The following CAMK1D variants were observed in gnomAD, a reference collection of about 807,000 sequenced individuals.
CAMK1D encodes calcium/calmodulin-dependent protein kinase type 1D.
CAMK1D carries 9 observed loss-of-function variants against 47.7 expected under a neutral mutation model. The ratio of observed to expected loss-of-function variants is 0.19; its 90% CI spans 0.11 to 0.33. The LOEUF (loss-of-function observed/expected upper bound fraction) is 0.33. Among genes scored for constraint, CAMK1D ranks in the 10% least tolerant of loss-of-function variants. The pLI, the probability that CAMK1D is intolerant of heterozygous loss-of-function variation, is 1.00. For synonymous variants in CAMK1D, 184 were observed against 184.9 expected, an observed-to-expected ratio of 0.99 and a Z score of 0.04; for missense variants, 291 against 488.7, an observed-to-expected ratio of 0.60 and a Z score of 3.81.
intron 1 of CAMK1D, among the ~76,000 whole-genome samples, chr10:12,532,797 G>A (rs1835851276): frequency 6.6e-6 from 1 of 152,112 alleles, no homozygotes; most frequent in East Asian, 1.9e-4. Flanking sequence ...TCAACAACAT[G>A]GATGGAACTG....
chr10:12,531,070 A>AG (rs1835790558), intron 1 of CAMK1D, among the ~76,000 whole-genome samples: 1 of 151,304 alleles, frequency 6.6e-6, no homozygotes, highest in Non-Finnish European at 1.5e-5. Context: ...AAAAAAAAAA[A>AG]AAGTTGAGAT....
chr10:12,543,024 G>A (rs1438724882), intron 1 of CAMK1D, among the ~76,000 whole-genome samples: 1 of 151,948 alleles, frequency 6.6e-6, no homozygotes. Flanking sequence ...TGGGATTACA[G>A]GCGTGAGCCA....
chr10:12,550,375 C>T (rs1166832047), intron 1 of CAMK1D, among the ~76,000 whole-genome samples: 2 of 152,184 alleles, frequency 1.3e-5, no homozygotes, highest in African/African-American at 2.4e-5. Context: ...TTCTACCTCC[C>T]GGAGGGTAGT....
intron 1 of CAMK1D, among the ~76,000 whole-genome samples, chr10:12,482,458 T>G (rs755171994): frequency 5.3e-5 from 8 of 152,212 alleles, no homozygotes; most frequent in Non-Finnish European, 7.3e-5. Flanking sequence ...CCGGCCACTT[T>G]CACTCTTTAT....
intron 1 of CAMK1D, among the ~76,000 whole-genome samples, chr10:12,529,847 G>T (rs868702893): frequency 6.6e-6 from 1 of 152,172 alleles, no homozygotes. Flanking sequence ...AGCCTTTCAG[G>T]ATGAATATGA....
At chr10:12,371,375 G>A (rs1838001134) in intron 1 of CAMK1D, among the ~76,000 whole-genome samples, 1 of 151,892 alleles carries the variant, frequency 6.6e-6, no homozygotes, top group Non-Finnish European at 1.5e-5. Flanking sequence ...AGGAGATCGA[G>A]ACCATCCTGG....
chr10:12,434,358 T>G (rs1347609402), intron 1 of CAMK1D, among the ~76,000 whole-genome samples: 1 of 152,198 alleles, frequency 6.6e-6, no homozygotes, highest in African/African-American at 2.4e-5. Flanking sequence ...ACGAGTGCCC[T>G]TCAGCGCTTG....
At position 12,492,536 on chromosome 10, in the gene CAMK1D, G is replaced by A. The variant is rs1196454327; in HGVS notation, c.93-60689G>A. On this transcript the variant is annotated intron_variant, in intron 1 of 10. Transcript: ENST00000619168. ...TAGCTAGATGCAGTGGCACACACCT[G>A]TAATCCCAGCTACTTGGGAGGTGGA... Among the ~76,000 whole-genome samples the A allele has an allele frequency of 1.3e-5, 2 of 152,112 alleles. 1 individual carries two copies. The highest frequency in any genetic ancestry group is 2.9e-5 in the Non-Finnish European group (2 of 68,010).
chr10:12,575,338 GC>G (rs944644141), intron 2 of CAMK1D, among the ~76,000 whole-genome samples: 7 of 152,028 alleles, frequency 4.6e-5, no homozygotes, highest in Admixed American at 6.6e-5. Flanking sequence ...TGATCCACCC[GC>G]CTTGGCCTCC....
At chr10:12,588,020 G>C (rs1374016361) in intron 2 of CAMK1D, among the ~76,000 whole-genome samples, 1 of 152,158 alleles carries the variant, frequency 6.6e-6, no homozygotes, top group Non-Finnish European at 1.5e-5. Context: ...TGAATATTAA[G>C]TAGTGCCTAG....
intron 1 of CAMK1D, among the ~76,000 whole-genome samples, chr10:12,485,894 C>G (rs1409744214): frequency 1.3e-5 from 2 of 152,184 alleles, no homozygotes. Flanking sequence ...GAGCCAAATT[C>G]AGCCCAGAGT....
intron 3 of CAMK1D, among the ~76,000 whole-genome samples, chr10:12,736,797 G>A (rs149521728): frequency 4.1e-4 from 63 of 152,264 alleles, no homozygotes; most frequent in African/African-American, 1.4e-3. Flanking sequence ...TCCTTTGGTT[G>A]CCAGTGAGAG....
rs372469215 is a variant in CAMK1D, at chr10:12,703,052, C to T, written c.299+36242C>T. The stretch of plus-strand genomic sequence containing the variant: ...ACATTACAGTAGGTCAGAGTTGTTT[C>T]CAAAGAAGTTCATCTGATTGTTTTT... On this transcript the variant is annotated intron_variant, in intron 3 of 10. Coordinates refer to ENST00000619168, the MANE Select transcript of CAMK1D (RefSeq NM_153498.4). Among the ~76,000 whole-genome samples the T allele has an allele frequency of 3.9e-3, 598 of 152,260 alleles. 7 individuals carry two copies. Among genetic ancestry groups the T allele is most frequent in the African/African-American group, 0.013 (553 of 41,544 alleles).
intron 1 of CAMK1D, among the ~76,000 whole-genome samples, chr10:12,441,965 G>A (rs1312864029): frequency 6.6e-6 from 1 of 152,210 alleles, no homozygotes; most frequent in Non-Finnish European, 1.5e-5. Flanking sequence ...ACACAGAATG[G>A]ATTGGAAGTT....
chr10:12,770,368 T>G (rs182598875), intron 5 of CAMK1D, among the ~76,000 whole-genome samples: 5 of 152,364 alleles, frequency 3.3e-5, no homozygotes, highest in African/African-American at 1.2e-4. Context: ...TACTGACGGA[T>G]CTGAACACTT....
rs535967510 is a variant in CAMK1D, at chr10:12,673,471, A to G, written c.299+6661A>G. Among the ~76,000 whole-genome samples, 4 of 152,156 alleles carry G rather than the reference A, an allele frequency of 2.6e-5. No individual in the cohort carries two copies. In the South Asian group the frequency reaches 6.2e-4, roughly 24 times the overall value. Reference sequence around the variant, plus strand: ...CTGCTAGCATATAAAAATATAATTGATTTTTGTGCATTAGCCTCTGATCTT... The same window carrying G: ...CTGCTAGCATATAAAAATATAATTGGTTTTTGTGCATTAGCCTCTGATCTT... On this transcript the variant is annotated intron_variant, in intron 3 of 10. Transcript: ENST00000619168.
chr10:12,464,107 AC>A (rs1456263612), intron 1 of CAMK1D, among the ~76,000 whole-genome samples: 1 of 151,940 alleles, frequency 6.6e-6, no homozygotes, highest in Non-Finnish European at 1.5e-5. Flanking sequence ...GGACTAATAC[AC>A]CCCTGCTTAG....
chr10:12,538,195 A>AT (rs1203931817), intron 1 of CAMK1D, among the ~76,000 whole-genome samples: 71 of 152,296 alleles, frequency 4.7e-4, no homozygotes, highest in Non-Finnish European at 3.5e-4. Flanking sequence ...TGGACTTGGT[A>AT]TTTTTGTTTC....
intron 2 of CAMK1D, among the ~76,000 whole-genome samples, chr10:12,579,086 T>C (rs1221995801): frequency 6.6e-6 from 1 of 151,046 alleles, no homozygotes; most frequent in Non-Finnish European, 1.5e-5. Context: ...TGAACAGAGC[T>C]TCAAAGAGCA....
Sources: allele counts gnomAD v4.1 joint callset (sites outside exome capture counted in the v4.1 genomes callset), GRCh38; gene constraint gnomAD v4.1.1; transcripts MANE v1.5; gene names NCBI Gene and HGNC (gene_info 2026-07-23, HGNC 2026-07-21).